ASPHD1: variants seen among roughly 807,000 people sequenced by gnomAD.
ASPHD1 encodes the protein aspartate beta-hydroxylase domain containing 1.
A neutral mutation model predicts 28.3 loss-of-function variants in ASPHD1; 20 were observed. That is an observed-to-expected ratio of 0.71 (90% CI 0.50 to 1.03). ASPHD1 has a LOEUF of 1.03. Ranked by LOEUF, ASPHD1 falls within the 50% of genes least tolerant of loss-of-function variation. The probability of loss-of-function intolerance (pLI) is 0.00; values close to 1 mark genes in which losing one functional copy is unlikely to be tolerated. For synonymous variants in ASPHD1, 240 were observed against 221.2 expected (o/e 1.08, Z -0.75); for missense variants, 479 against 524.1 (o/e 0.91, Z 0.84).
At chr16:29,907,660 C>T (rs2068636523), downstream of ASPHD1, among the ~76,000 whole-genome samples, 1 of 152,004 alleles carries the variant, frequency 6.6e-6, no homozygotes. Context: ...TGGTGGCCCA[C>T]ACCTGTGTTC....
rs1345231745 is a variant in ASPHD1 at position 29,901,933 on chromosome 16, C to T, written c.949+13C>T. ...AGATGCCATCTGGGTAAGTAGCTGC[C>T]GCCTACTGACAACCTCCTTGCCTCG... On this transcript the variant is annotated intron_variant, in intron 1 of 2. Transcript: ENST00000308748. The surrounding 1 kb of genome is among the most constrained non-coding windows in gnomAD (Gnocchi z 5.1). The T allele has an allele frequency of 1.4e-6, 2 of 1,460,734 alleles. No individual in the cohort carries two copies. The highest frequency in any genetic ancestry group is 9.0e-7 in the Non-Finnish European group (1 of 1,108,220). 90.5% of individuals were successfully genotyped at this position (1,460,734 alleles called of 1,614,324 possible).
intron 1 of ASPHD1, among the ~76,000 whole-genome samples, chr16:29,904,157 C>T (rs2068578745): frequency 1.8e-5 from 2 of 111,228 alleles, no homozygotes; most frequent in South Asian, 2.7e-4. Flanking sequence ...AATAAAATAA[C>T]GGGTCTGGCC....
Position 29,900,669 on chromosome 16 carries a change from T to G in ASPHD1, c.-303T>G. 1 of 486,784 alleles carries G rather than the reference T, an allele frequency of 2.1e-6. No individual in the cohort carries two copies. The highest frequency in any genetic ancestry group is 3.7e-6 in the Non-Finnish European group (1 of 271,476). 30.2% of individuals were successfully genotyped at this position (486,784 alleles called of 1,614,324 possible). A position where few individuals can be genotyped will look rare whatever the true frequency, so the allele number is the denominator to read the frequency against. On this transcript the variant is annotated 5_prime_UTR_variant, in exon 1 of 3. Transcript: ENST00000308748. ...AGGAGCGAGGGCAAGGAGAGAGCAG[T>G]GAGGCCGGAGAGAAAGAAGCTGCCG...
downstream of ASPHD1, among the ~76,000 whole-genome samples, chr16:29,908,946 G>A (rs543298833): frequency 4.9e-4 from 74 of 152,044 alleles, 2 homozygotes; most frequent in South Asian, 0.015. Context: ...CCCTGCCTCA[G>A]CCTCCTAAAG....
chr16:29,912,965 C>G (rs549341628), intron 3 of ASPHD1, among the ~76,000 whole-genome samples: 4 of 152,156 alleles, frequency 2.6e-5, no homozygotes, highest in Non-Finnish European at 2.9e-5. Context: ...TCTCTTCTGT[C>G]TTCTAGAATC....
Position 29,901,819 on chromosome 16 carries a change from G to A in ASPHD1, c.848G>A (p.Ser283Asn). ...CTGAGGGGGCTTCGAAGCTTTATGA[G>A]TGCCAACACCTTCGGCAATGCCGGC... is the stretch of plus-strand genomic sequence containing the variant. ...RALRGLRSFM[S>N]ANTFGNAGFS... Residue 283 changes from serine to asparagine, a missense_variant, in exon 1 of 3, where the codon AGT becomes AAT. By Grantham distance (46) the Ser-to-Asn change is conservative. Coordinates refer to ENST00000308748, the MANE Select transcript of ASPHD1 (RefSeq NM_181718.4). The surrounding 1 kb of genome is among the most constrained non-coding windows in gnomAD (Gnocchi z 5.1). 6.4e-7 allele frequency: 1 copy of A among 1,558,480 alleles called. No homozygotes were observed. The highest frequency in any genetic ancestry group is 8.7e-7 in the Non-Finnish European group (1 of 1,153,716).
chr16:29,912,065 A>G, intron 3 of ASPHD1: 1 of 1,572,036 alleles, frequency 6.4e-7, no homozygotes, highest in Non-Finnish European at 8.7e-7. Flanking sequence ...GAAGAAGCGG[A>G]AGGTGGTTAA....
At position 29,901,789 on chromosome 16, in the gene ASPHD1, G is replaced by A. The variant is rs1373928503; in HGVS notation, c.818G>A (p.Arg273Gln). 2 of 1,559,846 alleles carry A rather than the reference G, an allele frequency of 1.3e-6. No homozygotes were observed. The highest frequency in any genetic ancestry group is 2.0e-5 in the Admixed American group (1 of 51,182). Reference sequence around the variant, plus strand: ...TGCCGCCGGTGCCCGGGGGCCTATCGGGCACTGAGGGGGCTTCGAAGCTTT... The same window carrying A: ...TGCCGCCGGTGCCCGGGGGCCTATCAGGCACTGAGGGGGCTTCGAAGCTTT... ...SNCRRCPGAY[R>Q]ALRGLRSFMS... The change falls in exon 1 of 3, where the codon CGG (arginine) becomes CAG (glutamine). Residue 273 changes from arginine to glutamine, a missense_variant. Coordinates refer to ENST00000308748, the MANE Select transcript of ASPHD1 (RefSeq NM_181718.4). The surrounding 1 kb of genome is among the most constrained non-coding windows in gnomAD (Gnocchi z 5.1).
At chr16:29,912,536 G>A (rs1449844311) in intron 3 of ASPHD1, among the ~76,000 whole-genome samples, 3 of 152,224 alleles carry the variant, frequency 2.0e-5, no homozygotes, top group East Asian at 1.9e-4. Context: ...CACCTCCCGG[G>A]TTAAAGCAAT....
At chr16:29,918,675 G>C (rs891473581) in intron 3 of ASPHD1, among the ~76,000 whole-genome samples, 1 of 151,090 alleles carries the variant, frequency 6.6e-6, no homozygotes, top group Non-Finnish European at 1.5e-5. Context: ...ATTTATTTTT[G>C]AGATGGAGTC....
rs376294577 is a variant in ASPHD1, at chr16:29,901,129, G to T, written c.158G>T (p.Gly53Val). 6.2e-7 allele frequency: 1 copy of T among 1,609,074 alleles called. No homozygotes were observed. Among genetic ancestry groups the T allele is most frequent in the African/African-American group, 1.3e-5 (1 of 74,640 alleles). Residue 53 changes from glycine (G) to valine (V), a missense_variant, in exon 1 of 3, where the codon GGT becomes GTT. Coordinates refer to ENST00000308748, the MANE Select transcript of ASPHD1 (RefSeq NM_181718.4). The surrounding 1 kb of genome is among the most constrained non-coding windows in gnomAD (Gnocchi z 5.1). ...GGELGGQGNW[G>V]PEDAPGLLAR... The stretch of plus-strand genomic sequence containing the variant: ...GAGCTGGGGGGACAGGGGAACTGGG[G>T]TCCGGAGGACGCCCCAGGCCTCTTG...
At chr16:29,906,483 G>A (rs2068614945), downstream of ASPHD1, 5 of 467,778 alleles carry the variant, frequency 1.1e-5, no homozygotes, top group South Asian at 3.1e-5. Flanking sequence ...GGGAGGAGGG[G>A]GCGGACTACC....
chr16:29,901,730 G>C lies in ASPHD1; in HGVS notation c.759G>C (p.Leu253=). The stretch of plus-strand genomic sequence containing the variant: ...TGGCCCCCGGGTGCTACCAGCTCCT[G>C]CTGTACCAAGCAGGCCGGTGCCAAC... The part of the protein sequence containing the change: ...PPLAPGCYQL[L]LYQAGRCQPS... Residue 253 remains leucine (L), a synonymous_variant, in exon 1 of 3, where the codon CTG becomes CTC. Coordinates refer to ENST00000308748, the MANE Select transcript of ASPHD1 (RefSeq NM_181718.4). The surrounding 1 kb of genome is among the most constrained non-coding windows in gnomAD (Gnocchi z 5.1). 1 of 1,561,602 alleles carries C rather than the reference G, an allele frequency of 6.4e-7. No individual in the cohort carries two copies. Among genetic ancestry groups the C allele is most frequent in the South Asian group, 1.2e-5 (1 of 83,274 alleles).
intron 3 of ASPHD1, chr16:29,914,435 CTTTTTTTTTT>C (rs765793348): frequency 7.4e-6 from 1 of 135,114 alleles, no homozygotes; most frequent in Admixed American, 7.5e-5. Flanking sequence ...AAGTGCATTT[CTTTTTTTTTT>C]TTTTTTTTGA....
intron 3 of ASPHD1, chr16:29,913,451 C>T (rs1046531367): frequency 1.3e-5 from 2 of 152,178 alleles, no homozygotes; most frequent in Admixed American, 6.5e-5. Flanking sequence ...AGGGGAATTA[C>T]GGAGTATGAA....
intron 3 of ASPHD1, chr16:29,911,121 G>C: frequency 5.0e-6 from 8 of 1,614,172 alleles, no homozygotes; most frequent in Non-Finnish European, 6.8e-6. Flanking sequence ...TGGAAGCGCA[G>C]GGCCAGCTTG....
downstream of ASPHD1, chr16:29,906,952 G>A: frequency 3.1e-6 from 5 of 1,614,120 alleles, no homozygotes; most frequent in South Asian, 1.1e-5. Context: ...CTGCGGACAC[G>A]GTGCTCTCGG....
intron 3 of ASPHD1, chr16:29,913,388 G>T (rs2068751635): frequency 6.6e-6 from 1 of 152,178 alleles, no homozygotes; most frequent in South Asian, 2.1e-4. Flanking sequence ...ATCAGAAACA[G>T]ACCACTGTGT....
At chr16:29,906,473 GGGA>G (rs2068614733), downstream of ASPHD1, 1 of 465,416 alleles carries the variant, frequency 2.1e-6, no homozygotes, top group African/African-American at 2.0e-5. Flanking sequence ...GAGGATGGTG[GGGA>G]GGAGGGGGCG....
Sources: allele counts gnomAD v4.1 joint callset (sites outside exome capture counted in the v4.1 genomes callset), GRCh38; gene constraint gnomAD v4.1.1; non-coding constraint Gnocchi (gnomAD v3.1); transcripts MANE v1.5; gene names NCBI Gene and HGNC (gene_info 2026-07-23, HGNC 2026-07-21).